KIRREL3: variants seen among roughly 807,000 people sequenced by gnomAD.
KIRREL3 encodes kin of IRRE-like protein 3.
KIRREL3 carries 36 observed loss-of-function variants against 89.7 expected under a neutral mutation model. The ratio of observed to expected loss-of-function variants is 0.40; its 90% CI spans 0.31 to 0.53. The LOEUF (loss-of-function observed/expected upper bound fraction) is 0.53, where lower values mean the gene tolerates loss of function less well. Ranked by LOEUF, KIRREL3 falls within the 20% of genes least tolerant of loss-of-function variation. KIRREL3 has a pLI of 0.49. For missense variants in KIRREL3, 864 were observed against 1,056.6 expected, an observed-to-expected ratio of 0.82 and a Z score of 2.53; for synonymous variants, 445 against 441.4, an observed-to-expected ratio of 1.01 and a Z score of -0.10.
Position 126,867,160 on chromosome 11 carries a change from A to T in KIRREL3, c.55+133295T>A, listed in dbSNP as rs1416646447. On this transcript the variant is annotated intron_variant, in intron 1 of 16. Transcript: ENST00000525144. The surrounding 1 kb of genome is among the most constrained non-coding windows in gnomAD (Gnocchi z 4.7). ...TTGGAGCCCAAAAAACGTTCCCCACAATCTGCCTGTCTGCCTGCTCCCCCC... is the reference window on the plus strand; with the variant it reads ...TTGGAGCCCAAAAAACGTTCCCCACTATCTGCCTGTCTGCCTGCTCCCCCC... Among the ~76,000 whole-genome samples the T allele has an allele frequency of 6.6e-6, 1 of 152,210 alleles. No homozygotes were observed. Among genetic ancestry groups the T allele is most frequent in the African/African-American group, 2.4e-5 (1 of 41,462 alleles).
chr11:126,466,730 G>A (rs1024405029), intron 5 of KIRREL3, among the ~76,000 whole-genome samples: 4 of 152,224 alleles, frequency 2.6e-5, no homozygotes, highest in African/African-American at 9.6e-5. Context: ...GCAGGTTCTA[G>A]TCGCAGCTCC....
In KIRREL3 at chr11:126,530,818, C is replaced by T. The variant is rs1160720710; in HGVS notation, c.134-4131G>A. Among the ~76,000 whole-genome samples the T allele has an allele frequency of 2.0e-5, 3 of 152,084 alleles. No individual in the cohort carries two copies. Among genetic ancestry groups the T allele is most frequent in the Admixed American group, 6.6e-5 (1 of 15,266 alleles). ...GGCGGCCGGTGCAATCTCCCCTTCC[C>T]ATACTTTATTTTTATTTTTCTTTTT... On this transcript the variant is annotated intron_variant, in intron 2 of 16. Transcript: ENST00000525144. The surrounding 1 kb of genome is among the most constrained non-coding windows in gnomAD (Gnocchi z 5.8).
rs1954994218 is a variant in KIRREL3 at position 126,427,713 on chromosome 11, C to G, written c.1806+1466G>C. On this transcript the variant is annotated intron_variant, in intron 15 of 16. Transcript: ENST00000525144. The surrounding 1 kb of genome is among the most constrained non-coding windows in gnomAD (Gnocchi z 5.3). ...TTTGTCCAGCAGATGTGGGGAGCCACCGAGGGATTTTAAGTGGGCAAGTAA... is the reference window on the plus strand; with the variant it reads ...TTTGTCCAGCAGATGTGGGGAGCCAGCGAGGGATTTTAAGTGGGCAAGTAA... 6.6e-6 allele frequency among the ~76,000 whole-genome samples: 1 copy of G among 152,094 alleles called. No individual in the cohort carries two copies. The highest frequency in any genetic ancestry group is 1.5e-5 in the Non-Finnish European group (1 of 68,020).
At position 126,949,350 on chromosome 11, in the gene KIRREL3, C is replaced by G. The variant is rs115023723; in HGVS notation, c.55+51105G>C. Among the ~76,000 whole-genome samples, 992 of 152,264 alleles carry G rather than the reference C, an allele frequency of 6.5e-3. 7 individuals carry two copies. Among genetic ancestry groups the G allele is most frequent in the African/African-American group, 0.022 (923 of 41,556 alleles). On this transcript the variant is annotated intron_variant, in intron 1 of 16. Transcript: ENST00000525144. ...GGTAGAAAGAAGCAGCAGAATGACT[C>G]TTTATCAGAACTGCTCTAAAGGGAC...
rs991811620 is a variant in KIRREL3 at position 126,535,181 on chromosome 11, A to G, written c.134-8494T>C. ...CCCAGTTGTTTCCCCACCCTCCTCC[A>G]TCGGGACTCCTCCTGACTGCTCTTC... On this transcript the variant is annotated intron_variant, in intron 2 of 16. Transcript: ENST00000525144. The surrounding 1 kb of genome is among the most constrained non-coding windows in gnomAD (Gnocchi z 4.5). 6.6e-6 allele frequency among the ~76,000 whole-genome samples: 1 copy of G among 152,012 alleles called. No homozygotes were observed. Among genetic ancestry groups the G allele is most frequent in the Admixed American group, 6.6e-5 (1 of 15,266 alleles).
intron 1 of KIRREL3, among the ~76,000 whole-genome samples, chr11:126,670,884 G>A (rs1033415410): frequency 5.7e-4 from 87 of 152,252 alleles, no homozygotes; most frequent in East Asian, 3.7e-3. Context: ...TACTAAATAA[G>A]AAATAAGTTG....
intron 2 of KIRREL3, among the ~76,000 whole-genome samples, chr11:126,532,967 T>G (rs573169603): frequency 1.6e-4 from 24 of 152,210 alleles, no homozygotes; most frequent in African/African-American, 5.8e-4. Flanking sequence ...AATTGCTAAC[T>G]TTTCTATTTT....
In KIRREL3 at chr11:126,490,214, GT is replaced by G. The variant is rs1241716547; in HGVS notation, c.434-16749del. ...TTTGGAATGCATTGTGTGTGTGTGT[GT>G]GTGTGTGTGTGTGTGGCGGGGGCGG... On this transcript the variant is annotated intron_variant, in intron 4 of 16. Coordinates refer to ENST00000525144, the MANE Select transcript of KIRREL3 (RefSeq NM_032531.4). This position sits in a 1 kb window ranked among gnomAD's most constrained non-coding sequence, Gnocchi z 4.2. Among the ~76,000 whole-genome samples the G allele has an allele frequency of 2.8e-4, 11 of 38,746 alleles. No individual in the cohort carries two copies. Among genetic ancestry groups the G allele is most frequent in the Non-Finnish European group, 6.3e-4 (7 of 11,188 alleles). 25.4% of individuals were successfully genotyped at this position (38,746 alleles called of 152,430 possible).
In KIRREL3 at chr11:126,558,560, C is replaced by T. The variant is rs1939874689; in HGVS notation, c.133+4275G>A. 1.3e-5 allele frequency among the ~76,000 whole-genome samples: 2 copies of T among 152,306 alleles called. No individual in the cohort carries two copies. Among genetic ancestry groups the T allele is most frequent in the South Asian group, 2.1e-4 (1 of 4,830 alleles). On this transcript the variant is annotated intron_variant, in intron 2 of 16. Transcript: ENST00000525144. The surrounding 1 kb of genome is among the most constrained non-coding windows in gnomAD (Gnocchi z 4.0). ...CATATGGGCCCCGGGCAAGTTGCTG[C>T]ATGCTCTTGGGCCATGCTGTGTTAT...
chr11:126,712,536 A>G (rs546901372), intron 1 of KIRREL3, among the ~76,000 whole-genome samples: 2 of 152,302 alleles, frequency 1.3e-5, no homozygotes, highest in East Asian at 3.9e-4. Flanking sequence ...TGGGAGGAGA[A>G]GAGAAAATGG....
At chr11:126,542,013 A>G (rs901117030) in intron 2 of KIRREL3, among the ~76,000 whole-genome samples, 1 of 152,234 alleles carries the variant, frequency 6.6e-6, no homozygotes, top group African/African-American at 2.4e-5. Context: ...GCAGCCCTGC[A>G]GCGGGCCCTC....
chr11:126,554,698 G>A (rs1939569534), intron 2 of KIRREL3, among the ~76,000 whole-genome samples: 1 of 152,152 alleles, frequency 6.6e-6, no homozygotes, highest in Non-Finnish European at 1.5e-5. Flanking sequence ...GGAGACAGGT[G>A]TTATTAACAC....
intron 12 of KIRREL3, among the ~76,000 whole-genome samples, chr11:126,436,330 T>A (rs1377405902): frequency 6.6e-6 from 1 of 152,246 alleles, no homozygotes; most frequent in Non-Finnish European, 1.5e-5. Context: ...GTGGGACTTG[T>A]GTCTGAGTAA....
intron 2 of KIRREL3, among the ~76,000 whole-genome samples, chr11:126,538,860 G>T (rs998783433): frequency 2.0e-5 from 3 of 151,704 alleles, no homozygotes; most frequent in African/African-American, 7.3e-5. Context: ...ATGTGCAGAA[G>T]AAACTAGAAT....
At chr11:126,631,924 C>T (rs1271257282) in intron 1 of KIRREL3, among the ~76,000 whole-genome samples, 3 of 152,192 alleles carry the variant, frequency 2.0e-5, no homozygotes, top group Admixed American at 6.5e-5. Context: ...TTGTTACTTT[C>T]TGATTTTGAG....
At position 126,513,832 on chromosome 11, in the gene KIRREL3, C is replaced by A. The variant is rs138128046; in HGVS notation, c.433+7483G>T. On this transcript the variant is annotated intron_variant, in intron 4 of 16. Transcript: ENST00000525144. The surrounding 1 kb of genome is among the most constrained non-coding windows in gnomAD (Gnocchi z 5.9). ...ACCTTCTATCTCATCTGGCCCCCAA[C>A]AGCAACTACTCAGCGTGGCATTATG... Among the ~76,000 whole-genome samples the A allele has an allele frequency of 6.6e-6, 1 of 152,176 alleles. No individual in the cohort carries two copies. Among genetic ancestry groups the A allele is most frequent in the Non-Finnish European group, 1.5e-5 (1 of 68,020 alleles).
At chr11:126,738,249 T>C (rs1489813677) in intron 1 of KIRREL3, among the ~76,000 whole-genome samples, 1 of 152,234 alleles carries the variant, frequency 6.6e-6, no homozygotes, top group Non-Finnish European at 1.5e-5. Flanking sequence ...GAATTAATCA[T>C]AGGGGAGTAG....
At chr11:126,869,523 G>T (rs1592253905) in intron 1 of KIRREL3, among the ~76,000 whole-genome samples, 1 of 152,142 alleles carries the variant, frequency 6.6e-6, no homozygotes, top group East Asian at 1.9e-4. Context: ...ATGCATATTT[G>T]GTGAATAGAT....
intron 1 of KIRREL3, among the ~76,000 whole-genome samples, chr11:126,728,116 TAA>T (rs1398044209): frequency 6.6e-6 from 1 of 151,692 alleles, no homozygotes; most frequent in Non-Finnish European, 1.5e-5. Context: ...TGCAGCAGGG[TAA>T]AGAGGCTGCA....
Sources: allele counts gnomAD v4.1 joint callset (sites outside exome capture counted in the v4.1 genomes callset), GRCh38; gene constraint gnomAD v4.1.1; non-coding constraint Gnocchi (gnomAD v3.1); transcripts MANE v1.5; gene names NCBI Gene and HGNC (gene_info 2026-07-23, HGNC 2026-07-21).